Variants in LARGE1 observed in about 807,000 individuals in gnomAD.
LARGE1 encodes LARGE xylosyl- and glucuronyltransferase 1.
A neutral mutation model predicts 87.6 loss-of-function variants in LARGE1; 43 were observed. The observed-to-expected ratio is 0.49, with a 90% CI of 0.38 to 0.63. LARGE1 has a LOEUF of 0.63. LARGE1 is among the 30% of genes least tolerant of loss of function. The pLI, the probability that LARGE1 is intolerant of heterozygous loss-of-function variation, is 0.00. For missense variants in LARGE1, 802 were observed against 1,000.2 expected, an observed-to-expected ratio of 0.80 and a Z score of 2.67; for synonymous variants, 434 against 394.6, an observed-to-expected ratio of 1.10 and a Z score of -1.18.
chr22:33,250,557 G>A (rs9619337), intron 11 of LARGE1, among the ~76,000 whole-genome samples: 22,598 of 152,122 alleles, frequency 0.15, 2,319 homozygotes, highest in South Asian at 0.3. Flanking sequence ...GTATGATGCT[G>A]AAAAGTAGTA....
chr22:33,584,943 C>T (rs2078627014), intron 5 of LARGE1, among the ~76,000 whole-genome samples: 1 of 152,114 alleles, frequency 6.6e-6, no homozygotes, highest in African/African-American at 2.4e-5. Context: ...ATGGTGAAAC[C>T]CTGTCTCTAC....
chr22:33,142,340 C>T, the LARGE1 span, among the ~76,000 whole-genome samples: 6 of 152,036 alleles, frequency 3.9e-5, no homozygotes, highest in African/African-American at 7.2e-5. Flanking sequence ...TGTTGGCTCT[C>T]GCATTCCCCC....
intron 6 of LARGE1, among the ~76,000 whole-genome samples, chr22:33,464,379 T>A (rs2068503234): frequency 6.6e-6 from 1 of 152,152 alleles, no homozygotes; most frequent in Admixed American, 6.5e-5. Flanking sequence ...AAATGACTGA[T>A]AAATTCAACT....
At chr22:33,546,494 C>T (rs2077364201) in intron 6 of LARGE1, among the ~76,000 whole-genome samples, 1 of 152,238 alleles carries the variant, frequency 6.6e-6, no homozygotes, top group Admixed American at 6.5e-5. Context: ...CCTTTTCTCT[C>T]ACCATAGTCC....
the LARGE1 span, among the ~76,000 whole-genome samples, chr22:33,151,554 T>G: frequency 6.6e-6 from 1 of 152,196 alleles, no homozygotes; most frequent in Non-Finnish European, 1.5e-5. Flanking sequence ...TCACTGTTAA[T>G]GGTATGATAC....
intron 1 of LARGE1, among the ~76,000 whole-genome samples, chr22:33,884,105 T>C (rs555599864): frequency 6.6e-6 from 1 of 152,266 alleles, no homozygotes; most frequent in South Asian, 2.1e-4. Flanking sequence ...CTTGAACCTA[T>C]CTAAGTCAGG....
chr22:33,352,053 A>G (rs1216182981), intron 9 of LARGE1, among the ~76,000 whole-genome samples: 1 of 152,172 alleles, frequency 6.6e-6, no homozygotes, highest in African/African-American at 2.4e-5. Context: ...TAGTAACTTT[A>G]TAGTGGAGAA....
Position 33,452,437 on chromosome 22 carries a change from G to C in LARGE1, c.788-20172C>G, listed in dbSNP as rs531357399. ...AAAGAGTGGCAGAGAAGGTAGAGGT[G>C]GTGGCTTCTCCTCCAGGAAGGGGCC... is the stretch of plus-strand genomic sequence containing the variant. On this transcript the variant is annotated intron_variant, in intron 6 of 14. Transcript: ENST00000397394. Among the ~76,000 whole-genome samples the C allele has an allele frequency of 9.5e-4, 145 of 152,242 alleles. 1 individual carries two copies. In the South Asian group the frequency reaches 0.013, roughly 14 times the overall value.
intron 7 of LARGE1, among the ~76,000 whole-genome samples, chr22:33,404,232 G>A (rs2066021249): frequency 6.6e-6 from 1 of 152,204 alleles, no homozygotes; most frequent in Admixed American, 6.5e-5. Context: ...AGGAGGCGAG[G>A]TAGCATGCCA....
At chr22:33,332,013 C>T (rs1448828440) in intron 10 of LARGE1, among the ~76,000 whole-genome samples, 1 of 152,120 alleles carries the variant, frequency 6.6e-6, no homozygotes, top group East Asian at 1.9e-4. Flanking sequence ...CTCTGCTTGT[C>T]TGTAACCCTC....
chr22:33,428,654 G>A lies in LARGE1; in HGVS notation c.892+3507C>T, dbSNP rs188786719. Among the ~76,000 whole-genome samples the A allele has an allele frequency of 2.2e-3, 325 of 147,834 alleles. 2 individuals carry two copies. The highest frequency in any genetic ancestry group is 7.7e-3 in the African/African-American group (313 of 40,594). ...AAGAGAGAGAACTGCTGGGCACGGT[G>A]GCTCATGCCTGTAATCCCAGCACTT... is the stretch of plus-strand genomic sequence containing the variant. On this transcript the variant is annotated intron_variant, in intron 7 of 14. Transcript: ENST00000397394.
chr22:33,714,787 C>T (rs1326445110), intron 2 of LARGE1, among the ~76,000 whole-genome samples: 1 of 152,202 alleles, frequency 6.6e-6, no homozygotes, highest in African/African-American at 2.4e-5. Context: ...CCCCACTCTG[C>T]TCCATGTACC....
chr22:33,858,908 G>A (rs111642667), intron 1 of LARGE1, among the ~76,000 whole-genome samples: 8,203 of 152,034 alleles, frequency 0.054, 708 homozygotes, highest in African/African-American at 0.19. Flanking sequence ...GGGTTAAGCT[G>A]GAAACCATCA....
At chr22:33,523,334 C>T (rs573032309) in intron 6 of LARGE1, among the ~76,000 whole-genome samples, 1 of 151,930 alleles carries the variant, frequency 6.6e-6, no homozygotes. Flanking sequence ...TATTTGCATT[C>T]CTTTCTTTTT....
At chr22:33,729,961 A>AGT (rs1310593205) in intron 2 of LARGE1, among the ~76,000 whole-genome samples, 1 of 151,954 alleles carries the variant, frequency 6.6e-6, no homozygotes, top group Non-Finnish European at 1.5e-5. Context: ...GCCCTCATGA[A>AGT]GTGTGTGTGT....
intron 6 of LARGE1, among the ~76,000 whole-genome samples, chr22:33,453,101 G>A (rs1259571612): frequency 2.0e-5 from 3 of 152,200 alleles, no homozygotes; most frequent in Non-Finnish European, 4.4e-5. Context: ...GGTTTGTAGT[G>A]CTAAAGCTAA....
At chr22:33,894,974 G>A (rs759806720) in intron 1 of LARGE1, among the ~76,000 whole-genome samples, 9 of 152,138 alleles carry the variant, frequency 5.9e-5, no homozygotes, top group Non-Finnish European at 2.9e-5. Context: ...GATAACAAAT[G>A]GGGCAGAATA....
intron 5 of LARGE1, among the ~76,000 whole-genome samples, chr22:33,578,360 A>T (rs2078412419): frequency 6.6e-6 from 1 of 152,038 alleles, no homozygotes. Flanking sequence ...AATCCCCTTT[A>T]AAAAAATCAC....
At chr22:33,230,406 G>A (rs1240381983) in intron 11 of LARGE1, among the ~76,000 whole-genome samples, 1 of 152,106 alleles carries the variant, frequency 6.6e-6, no homozygotes, top group Non-Finnish European at 1.5e-5. Flanking sequence ...CATTGCTTTG[G>A]TGAGATTCCT....
Sources: allele counts gnomAD v4.1 joint callset (sites outside exome capture counted in the v4.1 genomes callset), GRCh38; gene constraint gnomAD v4.1.1; transcripts MANE v1.5; gene names NCBI Gene and HGNC (gene_info 2026-07-23, HGNC 2026-07-21).